Variants in CTDSPL observed in about 807,000 individuals in gnomAD.
CTDSPL encodes the protein CTD small phosphatase-like protein.
Under a neutral mutation model 30.5 loss-of-function variants are expected in CTDSPL, and 8 were observed. The observed-to-expected ratio is 0.26, with a 90% CI of 0.15 to 0.47. CTDSPL has a LOEUF of 0.47. CTDSPL is among the 20% of genes least tolerant of loss of function. The probability of loss-of-function intolerance (pLI) is 0.99; values close to 1 mark genes in which losing one functional copy is unlikely to be tolerated. For synonymous variants in CTDSPL, 110 were observed against 137.9 expected, an observed-to-expected ratio of 0.80 and a Z score of 1.42; for missense variants, 248 against 366.1, an observed-to-expected ratio of 0.68 and a Z score of 2.63.
intron 1 of CTDSPL, among the ~76,000 whole-genome samples, chr3:37,934,990 C>G (rs1340931414): frequency 6.6e-6 from 1 of 152,204 alleles, no homozygotes; most frequent in Admixed American, 6.5e-5. Context: ...TACCGACTTA[C>G]AGACATAGGG....
chr3:37,902,671 C>T (rs1368096412), intron 1 of CTDSPL, among the ~76,000 whole-genome samples: 1 of 152,178 alleles, frequency 6.6e-6, no homozygotes, highest in Non-Finnish European at 1.5e-5. Flanking sequence ...GCTGCTTCTG[C>T]TGCATCTCAC....
chr3:37,947,012 G>A (rs775893718), intron 1 of CTDSPL, 45 bp from the exon 2 acceptor site: 7 of 1,588,212 alleles, frequency 4.4e-6, no homozygotes, highest in South Asian at 1.1e-5. Flanking sequence ...ACAACTATCA[G>A]TACATGCTGC....
chr3:37,913,164 G>A (rs888986079), intron 1 of CTDSPL, among the ~76,000 whole-genome samples: 2 of 151,906 alleles, frequency 1.3e-5, no homozygotes, highest in African/African-American at 4.8e-5. Flanking sequence ...CTACAAAAAC[G>A]CGTAAATTAG....
rs114257404 is a variant in CTDSPL, at chr3:37,889,132, G to T, written c.79+26854G>T. Reference sequence around the variant, plus strand: ...GGGAGATCAGAATGTTAGCTTGATGGCTGAGTAGCAGGCAGTAAGCAGGGA... The same window carrying T: ...GGGAGATCAGAATGTTAGCTTGATGTCTGAGTAGCAGGCAGTAAGCAGGGA... On this transcript the variant is annotated intron_variant, in intron 1 of 7. Coordinates refer to ENST00000273179, the MANE Select transcript of CTDSPL (RefSeq NM_001008392.2). 7.9e-3 allele frequency among the ~76,000 whole-genome samples: 1,196 copies of T among 152,296 alleles called. 16 individuals carry two copies. The highest frequency in any genetic ancestry group is 0.027 in the African/African-American group (1,107 of 41,562).
chr3:37,942,340 A>G (rs7650246), intron 1 of CTDSPL, among the ~76,000 whole-genome samples: 3,700 of 150,542 alleles, frequency 0.025, 203 homozygotes, highest in African/African-American at 0.084. Context: ...GACTATAATA[A>G]TAAAAGCTAA....
At chr3:37,955,036 C>T (rs569253046) in intron 2 of CTDSPL, 2 of 152,338 alleles carry the variant, frequency 1.3e-5, no homozygotes, top group East Asian at 3.9e-4. Context: ...TTGACATGCT[C>T]ATCTCATCGA....
rs1559645086 is a variant in CTDSPL, at chr3:37,960,498, A to AT, written c.267+3355_267+3356insT. 6.9e-4 allele frequency among the ~76,000 whole-genome samples: 44 copies of AT among 64,180 alleles called. 3 individuals carry two copies. Among genetic ancestry groups the AT allele is most frequent in the African/African-American group, 3.0e-3 (42 of 14,106 alleles). 42.1% of individuals were successfully genotyped at this position (64,180 alleles called of 152,430 possible). A position where few individuals can be genotyped will look rare whatever the true frequency, so the allele number is the denominator to read the frequency against. On this transcript the variant is annotated intron_variant, in intron 3 of 7. Transcript: ENST00000273179. ...TCTGTCTCAAAAAAAAAAAAAAAAA[A>AT]AAAAAAAATATATATATATATATAT...
chr3:37,948,129 C>T (rs1389182082), intron 2 of CTDSPL, among the ~76,000 whole-genome samples: 1 of 151,798 alleles, frequency 6.6e-6, no homozygotes, highest in South Asian at 2.1e-4. Context: ...AGCAAAAATA[C>T]AAAAATTAGC....
chr3:37,878,790 G>A (rs1024712067), intron 1 of CTDSPL, among the ~76,000 whole-genome samples: 3 of 151,950 alleles, frequency 2.0e-5, no homozygotes, highest in African/African-American at 7.3e-5. Context: ...TTAAAATTGG[G>A]GCTGAGAATT....
intron 1 of CTDSPL, among the ~76,000 whole-genome samples, chr3:37,912,283 T>A (rs1365503749): frequency 6.6e-6 from 1 of 152,202 alleles, no homozygotes; most frequent in Non-Finnish European, 1.5e-5. Context: ...CGGCCACTCC[T>A]ACCTTCCAGG....
chr3:37,949,430 T>A (rs1419858123), intron 2 of CTDSPL, among the ~76,000 whole-genome samples: 1 of 152,188 alleles, frequency 6.6e-6, no homozygotes, highest in East Asian at 1.9e-4. Context: ...AGGCAGTTGG[T>A]TAAAAAAACT....
At chr3:37,972,361 G>A (rs933024284) in intron 6 of CTDSPL, among the ~76,000 whole-genome samples, 4 of 152,028 alleles carry the variant, frequency 2.6e-5, no homozygotes, top group South Asian at 2.1e-4. Context: ...GCATGGTGGC[G>A]GGCATCTGTA....
intron 1 of CTDSPL, among the ~76,000 whole-genome samples, chr3:37,888,718 G>T (rs1160532851): frequency 2.6e-5 from 4 of 152,186 alleles, no homozygotes; most frequent in African/African-American, 9.7e-5. Context: ...CAGTTTGTTT[G>T]GGGGACCATC....
chr3:37,871,117 C>G (rs1278462111), intron 1 of CTDSPL, among the ~76,000 whole-genome samples: 4 of 152,188 alleles, frequency 2.6e-5, no homozygotes, highest in Admixed American at 6.5e-5. Flanking sequence ...ATTCATCTCT[C>G]TCTCCCCTGC....
intron 2 of CTDSPL, among the ~76,000 whole-genome samples, chr3:37,948,808 C>CTTTTTT (rs71635858): frequency 1.5e-3 from 158 of 108,146 alleles, no homozygotes; most frequent in Non-Finnish European, 1.9e-3. Context: ...TTCCAGCTTT[C>CTTTTTT]TTTTTTTTTT....
At chr3:37,970,840 T>A (rs1317560792) in intron 5 of CTDSPL, among the ~76,000 whole-genome samples, 9 of 152,200 alleles carry the variant, frequency 5.9e-5, no homozygotes. Context: ...CTTTATGGTG[T>A]CATAGACAGC....
chr3:37,984,086 C>G lies in CTDSPL; in HGVS notation c.*3219C>G. ...ATGGTCAAACAATCCTACGTTTGTGCCTCTGCTTTTAAAGGTGCTGTGCTG... is the reference window on the plus strand; with the variant it reads ...ATGGTCAAACAATCCTACGTTTGTGGCTCTGCTTTTAAAGGTGCTGTGCTG... On this transcript the variant is annotated 3_prime_UTR_variant, in exon 8 of 8. Transcript: ENST00000273179. 1 of 394,916 alleles carries G rather than the reference C, an allele frequency of 2.5e-6. No homozygotes were observed. The allele number at this position is 394,916 out of a possible 1,614,324, so 24.5% of individuals were successfully genotyped here.
rs1482312576 is a variant in CTDSPL at position 37,984,310 on chromosome 3, G to C, written c.*3443G>C. On this transcript the variant is annotated 3_prime_UTR_variant, in exon 8 of 8. Transcript: ENST00000273179. ...GGGTAGTGGAGATGCTGGTGTCTGG[G>C]TAGTCATGGATTTCTGCTGGACATT... The C allele has an allele frequency of 6.6e-6, 3 of 456,762 alleles. No homozygotes were observed. The highest frequency in any genetic ancestry group is 1.3e-5 in the Non-Finnish European group (3 of 226,994). 28.3% of individuals were successfully genotyped at this position (456,762 alleles called of 1,614,324 possible).
chr3:37,930,407 G>A (rs1004090857), intron 1 of CTDSPL, among the ~76,000 whole-genome samples: 8 of 152,014 alleles, frequency 5.3e-5, no homozygotes, highest in African/African-American at 1.9e-4. Context: ...GACTACAGGA[G>A]CACACCACCA....
Sources: gnomAD v4.1 joint callset for allele counts (sites outside exome capture counted in the v4.1 genomes callset) on GRCh38, gnomAD v4.1.1 for gene constraint, MANE v1.5 for transcripts, NCBI Gene and HGNC (gene_info 2026-07-23, HGNC 2026-07-21) for gene names.